TENM3: variants seen among roughly 807,000 people sequenced by gnomAD.
The protein encoded by TENM3 is teneurin-3.
Under a neutral mutation model 255.1 loss-of-function variants are expected in TENM3, and 63 were observed. That is an observed-to-expected ratio of 0.25 (90% confidence interval 0.20 to 0.30). The LOEUF is 0.30. TENM3 is among the 10% of genes least tolerant of loss of function. The pLI, the probability that TENM3 is intolerant of heterozygous loss-of-function variation, is 1.00. For missense variants in TENM3, 2,929 were observed against 3,461.1 expected, an observed-to-expected ratio of 0.85 and a Z score of 3.86; for synonymous variants, 1,306 against 1,322.3, an observed-to-expected ratio of 0.99 and a Z score of 0.27.
intron 1 of TENM3, among the ~76,000 whole-genome samples, chr4:182,217,986 G>C (rs138284408): frequency 6.6e-6 from 1 of 152,182 alleles, no homozygotes; most frequent in Admixed American, 6.5e-5. Flanking sequence ...GACAGTCATC[G>C]GAGTAACAGT....
chr4:182,262,348 G>T (rs1348641391), intron 1 of TENM3, among the ~76,000 whole-genome samples: 1 of 152,282 alleles, frequency 6.6e-6, no homozygotes, highest in East Asian at 1.9e-4. Flanking sequence ...AAACCTACTG[G>T]GTGCATTTTC....
At chr4:182,395,760 G>A (rs939549499) in intron 3 of TENM3, among the ~76,000 whole-genome samples, 2 of 152,156 alleles carry the variant, frequency 1.3e-5, no homozygotes, top group Admixed American at 1.3e-4. Flanking sequence ...TCCTGTTTGT[G>A]CGGAATTATT....
At chr4:182,692,852 T>G (rs1456586026) in intron 12 of TENM3, among the ~76,000 whole-genome samples, 5 of 151,100 alleles carry the variant, frequency 3.3e-5, no homozygotes, top group Non-Finnish European at 7.4e-5. Flanking sequence ...GAATGGGAGT[T>G]TTTTTTTTAA....
chr4:181,749,359 T>A, the TENM3 span, among the ~76,000 whole-genome samples: 1 of 152,140 alleles, frequency 6.6e-6, no homozygotes, highest in Non-Finnish European at 1.5e-5. Context: ...TTAAAATCAG[T>A]GTGATTTGTA....
intron 1 of TENM3, among the ~76,000 whole-genome samples, chr4:182,298,697 G>A (rs897466921): frequency 6.6e-6 from 1 of 152,048 alleles, no homozygotes; most frequent in African/African-American, 2.4e-5. Context: ...ATGGGATCGG[G>A]CATGGTGGCT....
the TENM3 span, among the ~76,000 whole-genome samples, chr4:181,731,174 A>T: frequency 1.3e-5 from 2 of 152,138 alleles, no homozygotes; most frequent in African/African-American, 4.8e-5. Flanking sequence ...ACATTTTTTT[A>T]AAAAAGAGGA....
At chr4:182,367,495 C>T (rs577652950) in intron 3 of TENM3, among the ~76,000 whole-genome samples, 9 of 152,100 alleles carry the variant, frequency 5.9e-5, no homozygotes, top group Non-Finnish European at 1.2e-4. Flanking sequence ...AGATCCACTA[C>T]GAAATAAGAA....
chr4:181,904,126 A>G, the TENM3 span, among the ~76,000 whole-genome samples: 2 of 152,252 alleles, frequency 1.3e-5, no homozygotes, highest in East Asian at 1.9e-4. Flanking sequence ...ACTCTTCAGT[A>G]TCAAGATCTC....
intron 3 of TENM3, among the ~76,000 whole-genome samples, chr4:182,496,029 A>G (rs1305016883): frequency 3.9e-5 from 6 of 152,326 alleles, no homozygotes; most frequent in Middle Eastern, 3.4e-3. Flanking sequence ...ACAGCCTGTA[A>G]TGAGATCTGT....
chr4:181,751,781 G>A, the TENM3 span, among the ~76,000 whole-genome samples: 1 of 152,076 alleles, frequency 6.6e-6, no homozygotes, highest in Admixed American at 6.6e-5. Context: ...AAATTAGTTG[G>A]TATCACGCAT....
the TENM3 span, among the ~76,000 whole-genome samples, chr4:181,827,283 T>C: frequency 6.6e-6 from 1 of 152,152 alleles, no homozygotes; most frequent in African/African-American, 2.4e-5. Flanking sequence ...TGAAATATAA[T>C]ATACTTTGTA....
At chr4:182,235,708 C>T (rs144274844) in intron 1 of TENM3, among the ~76,000 whole-genome samples, 12 of 152,224 alleles carry the variant, frequency 7.9e-5, no homozygotes, top group Middle Eastern at 3.4e-3. Flanking sequence ...CACACACACA[C>T]GAGCCATCTC....
At chr4:181,637,840 G>C in the TENM3 span, among the ~76,000 whole-genome samples, 2 of 152,150 alleles carry the variant, frequency 1.3e-5, no homozygotes, top group Admixed American at 6.5e-5. Context: ...TCAGTCATTG[G>C]TACATTCTCA....
At chr4:181,481,087 T>C in the TENM3 span, among the ~76,000 whole-genome samples, 1 of 151,696 alleles carries the variant, frequency 6.6e-6, no homozygotes, top group African/African-American at 2.4e-5. Context: ...GTATACCTAC[T>C]TGAGGATAAC....
rs187033818 is a variant in TENM3 at position 182,688,566 on chromosome 4, A to C, written c.2221+215A>C. Among the ~76,000 whole-genome samples, 122 of 152,258 alleles carry C rather than the reference A, an allele frequency of 8.0e-4. 2 individuals carry two copies. The highest frequency in any genetic ancestry group is 2.2e-3 in the Admixed American group (34 of 15,298). On this transcript the variant is annotated intron_variant, in intron 12 of 27. Transcript: ENST00000511685. The stretch of plus-strand genomic sequence containing the variant: ...ACAAGTATGAGCTATAAACTTTTTT[A>C]TTCATTGGTTTTTGGGACGGCCACA...
At chr4:181,938,526 A>G in the TENM3 span, among the ~76,000 whole-genome samples, 1 of 152,234 alleles carries the variant, frequency 6.6e-6, no homozygotes. Context: ...GTCCACTGTT[A>G]AAGTGACAGT....
At chr4:181,793,821 T>C in the TENM3 span, among the ~76,000 whole-genome samples, 1 of 152,230 alleles carries the variant, frequency 6.6e-6, no homozygotes, top group Non-Finnish European at 1.5e-5. Context: ...TTAGCAAATG[T>C]AATACTTGCC....
chr4:182,634,177 CAT>C lies in TENM3; in HGVS notation c.988+5289_988+5290del, dbSNP rs544900799. Among the ~76,000 whole-genome samples, 90 of 152,286 alleles carry C rather than the reference CAT, an allele frequency of 5.9e-4. 1 individual carries two copies. Among genetic ancestry groups the C allele is most frequent in the African/African-American group, 1.9e-3 (79 of 41,570 alleles). On this transcript the variant is annotated intron_variant, in intron 5 of 27. Coordinates refer to ENST00000511685, the MANE Select transcript of TENM3 (RefSeq NM_001080477.4). ...TGTCCAATTTAGTAGCCACTAGACA[CAT>C]GTGGCTGTTGAGCACTTGAAATGTA...
chr4:181,891,842 T>C, the TENM3 span, among the ~76,000 whole-genome samples: 3 of 152,164 alleles, frequency 2.0e-5, no homozygotes, highest in Non-Finnish European at 4.4e-5. Context: ...AATTCAAGTG[T>C]GGCCAGTGTG....
Sources: gnomAD v4.1 joint callset for allele counts (sites outside exome capture counted in the v4.1 genomes callset) on GRCh38, gnomAD v4.1.1 for gene constraint, MANE v1.5 for transcripts, NCBI Gene and HGNC (gene_info 2026-07-23, HGNC 2026-07-21) for gene names.